The following SSRP1 variants were observed in gnomAD, a reference collection of about 807,000 sequenced individuals.
The protein encoded by SSRP1 is FACT complex subunit SSRP1.
SSRP1 carries 21 observed loss-of-function variants against 84.4 expected under a neutral mutation model. The observed-to-expected ratio is 0.25, with a 90% CI of 0.18 to 0.36. The LOEUF is 0.36. Among genes scored for constraint, SSRP1 ranks in the 10% least tolerant of loss-of-function variants. The pLI, the probability that SSRP1 is intolerant of heterozygous loss-of-function variation, is 1.00. For synonymous variants in SSRP1, 319 were observed against 318.3 expected (o/e 1.00, Z -0.02); for missense variants, 519 against 900.8 (o/e 0.58, Z 5.43).
intron 12 of SSRP1, chr11:57,329,867 G>A (rs1012016528): frequency 6.2e-5 from 38 of 610,522 alleles, no homozygotes; most frequent in Non-Finnish European, 8.6e-5. Context: ...CATTCAGGGC[G>A]GTATGGCCAT....
At chr11:57,333,290 T>C in intron 4 of SSRP1, 141 bp from the exon 5 acceptor site, 1 of 1,129,448 alleles carries the variant, frequency 8.9e-7, no homozygotes, top group East Asian at 2.4e-5. Flanking sequence ...GGCAGTATAC[T>C]GTAGGTACTC....
Position 57,335,813 on chromosome 11 carries a change from T to C in SSRP1, c.-203A>G, listed in dbSNP as rs1024181156. 6.6e-6 allele frequency: 1 copy of C among 151,286 alleles called. No individual in the cohort carries two copies. The highest frequency in any genetic ancestry group is 1.5e-5 in the Non-Finnish European group (1 of 67,854). 9.4% of individuals were successfully genotyped at this position (151,286 alleles called of 1,614,324 possible). On this transcript the variant is annotated 5_prime_UTR_variant, in exon 1 of 17. Transcript: ENST00000278412. The surrounding 1 kb of genome is among the most constrained non-coding windows in gnomAD (Gnocchi z 4.6). Reference sequence around the variant, plus strand: ...CGCGGGGGGGGCGCGGGGAGGGGGATGGGGGGACACCGGGGAAGCTTTTCC... The same window carrying C: ...CGCGGGGGGGGCGCGGGGAGGGGGACGGGGGGACACCGGGGAAGCTTTTCC...
At chr11:57,334,682 A>G in intron 2 of SSRP1, 34 bp from the exon 3 acceptor site, 1 of 1,609,592 alleles carries the variant, frequency 6.2e-7, no homozygotes, top group Non-Finnish European at 8.5e-7. Flanking sequence ...GCATGGAGAC[A>G]GTACACAGCA....
rs768194455 is a variant in SSRP1, at chr11:57,326,422, T to C, written c.2115A>G (p.Ser705=). 1.9e-6 allele frequency: 3 copies of C among 1,614,182 alleles called. No individual in the cohort carries two copies. The highest frequency in any genetic ancestry group is 1.7e-5 in the Admixed American group (1 of 60,028). The change falls in exon 17 of 17, where the codon TCA becomes TCG. Residue 705 remains serine (S), a synonymous_variant. Transcript: ENST00000278412. ...STPPSSEDSA[S]GSDE is the part of the protein sequence containing the mutation. ...TCCTCCGTTTCTACTCATCGGATCC[T>C]GACGCTGAGTCCTCTGAGCTGGGGG...
chr11:57,330,545 G>C lies in SSRP1; in HGVS notation c.1297-116C>G. 6.7e-7 allele frequency: 1 copy of C among 1,499,188 alleles called. No individual in the cohort carries two copies. The highest frequency in any genetic ancestry group is 8.9e-7 in the Non-Finnish European group (1 of 1,124,404). The allele number at this position is 1,499,188 out of a possible 1,614,324, so 92.9% of individuals were successfully genotyped here. A position where few individuals can be genotyped will look rare whatever the true frequency, so the allele number is the denominator to read the frequency against. On this transcript the variant is annotated intron_variant, in intron 10 of 16. Coordinates refer to ENST00000278412, the MANE Select transcript of SSRP1 (RefSeq NM_003146.3). This position sits in a 1 kb window ranked among gnomAD's most constrained non-coding sequence, Gnocchi z 4.0. ...AGAGCAGCAGCTCCCAGAAGACCTGGGGCTGGATTGTCCACACACAGCCAA... is the reference window on the plus strand; with the variant it reads ...AGAGCAGCAGCTCCCAGAAGACCTGCGGCTGGATTGTCCACACACAGCCAA...
chr11:57,327,865 G>A lies in SSRP1; in HGVS notation c.1629C>T (p.Asp543=), dbSNP rs1230792340. 4 of 1,613,804 alleles carry A rather than the reference G, an allele frequency of 2.5e-6. No individual in the cohort carries two copies. In the South Asian group the frequency reaches 4.4e-5, roughly 18 times the overall value. The change falls in exon 14 of 17, where the codon GAC becomes GAT. Residue 543 remains aspartate (D), a synonymous_variant. Transcript: ENST00000278412. ...KKPVEVKKGK[D]PNAPKRPMSA... ...ACATGGGCCTCTTGGGGGCATTGGGGTCTTTGCCCTTCTTCACCTACATAA... is the reference window on the plus strand; with the variant it reads ...ACATGGGCCTCTTGGGGGCATTGGGATCTTTGCCCTTCTTCACCTACATAA...
rs1159697205 is a variant in SSRP1, at chr11:57,330,461, C to T, written c.1297-32G>A. The T allele has an allele frequency of 1.2e-6, 2 of 1,611,154 alleles. No individual in the cohort carries two copies. The highest frequency in any genetic ancestry group is 1.3e-5 in the African/African-American group (1 of 74,926). ...AGGGAAGAGTTCACGGTGGGGCCAA[C>T]TCACCCTCGAGCCAGAATCCCTGCA... On this transcript the variant is annotated intron_variant, in intron 10 of 16. Coordinates refer to ENST00000278412, the MANE Select transcript of SSRP1 (RefSeq NM_003146.3). The surrounding 1 kb of genome is among the most constrained non-coding windows in gnomAD (Gnocchi z 4.0).
At chr11:57,327,045 G>T in intron 15 of SSRP1, 156 bp from the exon 16 acceptor site, 1 of 1,363,892 alleles carries the variant, frequency 7.3e-7, no homozygotes. Flanking sequence ...GGCACCAAGG[G>T]AGAGTATCAT....
chr11:57,328,165 T>C, intron 13 of SSRP1, 132 bp downstream of exon 13: 1 of 1,389,450 alleles, frequency 7.2e-7, no homozygotes, highest in Non-Finnish European at 9.8e-7. Context: ...AAGGCTATAA[T>C]CACTGGCTAT....
chr11:57,330,755 A>T lies in SSRP1; in HGVS notation c.1296+100T>A. 6.3e-7 allele frequency: 1 copy of T among 1,590,412 alleles called. No homozygotes were observed. On this transcript the variant is annotated intron_variant, in intron 10 of 16. Transcript: ENST00000278412. This position sits in a 1 kb window ranked among gnomAD's most constrained non-coding sequence, Gnocchi z 4.0. ...CACCTCTTTTTTCTATAAGGGTAAGAAGAGAAGAAAGAGTGAAAAAGAAGC... is the reference window on the plus strand; with the variant it reads ...CACCTCTTTTTTCTATAAGGGTAAGTAGAGAAGAAAGAGTGAAAAAGAAGC...
intron 3 of SSRP1, 68 bp downstream of exon 3, chr11:57,334,395 C>T: frequency 1.9e-6 from 3 of 1,562,072 alleles, no homozygotes; most frequent in South Asian, 2.4e-5. Flanking sequence ...GAAGGAACCT[C>T]GAGTCTCTAG....
In SSRP1 at chr11:57,329,838, G is replaced by A. The variant is rs78962152; in HGVS notation, c.1481+255C>T. On this transcript the variant is annotated intron_variant, in intron 12 of 16. Transcript: ENST00000278412. ...TCCCATTCTCTCCTCATCCAACTACGAACCAGCCCCAACTGGCACATTCAG... is the reference window on the plus strand; with the variant it reads ...TCCCATTCTCTCCTCATCCAACTACAAACCAGCCCCAACTGGCACATTCAG... The A allele has an allele frequency of 6.2e-3, 3,515 of 570,838 alleles. 108 individuals are homozygous for A. The highest frequency in any genetic ancestry group is 0.059 in the African/African-American group (3,157 of 53,380). The allele number at this position is 570,838 out of a possible 1,614,324, so 35.4% of individuals were successfully genotyped here.
Position 57,332,085 on chromosome 11 carries a change from G to A in SSRP1, c.1001+67C>T. 1.2e-6 allele frequency: 2 copies of A among 1,607,466 alleles called. No homozygotes were observed. The highest frequency in any genetic ancestry group is 1.7e-6 in the Non-Finnish European group (2 of 1,177,820). ...GAGGCCGCATTCCCATCTCAGGAAG[G>A]GTTTACCAAGGAGACACGGCATTTC... On this transcript the variant is annotated intron_variant, in intron 8 of 16. Transcript: ENST00000278412. The surrounding 1 kb of genome is among the most constrained non-coding windows in gnomAD (Gnocchi z 5.5).
rs1045729699 is a variant in SSRP1 at position 57,335,263 on chromosome 11, T to A, written c.-119-23A>T. ...AATCTGAATTCAAGAGGAAGACAGA[T>A]AAGCATGAAAGACAGCACCTCGCTG... On this transcript the variant is annotated intron_variant, in intron 1 of 16. Coordinates refer to ENST00000278412, the MANE Select transcript of SSRP1 (RefSeq NM_003146.3). This position sits in a 1 kb window ranked among gnomAD's most constrained non-coding sequence, Gnocchi z 4.6. 4.7e-6 allele frequency: 4 copies of A among 844,310 alleles called. No individual in the cohort carries two copies. The highest frequency in any genetic ancestry group is 1.8e-5 in the Admixed American group (1 of 55,402). The allele number at this position is 844,310 out of a possible 1,614,324, so 52.3% of individuals were successfully genotyped here.
At position 57,328,751 on chromosome 11, in the gene SSRP1, C is replaced by T. The variant is rs760778845; in HGVS notation, c.1482-325G>A. 1.7e-5 allele frequency: 4 copies of T among 242,326 alleles called. 1 individual carries two copies. In the East Asian group the frequency reaches 3.2e-4, roughly 19 times the overall value. 15.0% of individuals were successfully genotyped at this position (242,326 alleles called of 1,614,324 possible). A position where few individuals can be genotyped will look rare whatever the true frequency, so the allele number is the denominator to read the frequency against. Reference sequence around the variant, plus strand: ...ATCCCCAGGACACCACTGGCAGAAACACTGCCTCATTCATGCCTGGAACAT... The same window carrying T: ...ATCCCCAGGACACCACTGGCAGAAATACTGCCTCATTCATGCCTGGAACAT... On this transcript the variant is annotated intron_variant, in intron 12 of 16. Transcript: ENST00000278412.
In SSRP1 at chr11:57,332,635, A is replaced by G; in HGVS notation, c.758T>C (p.Met253Thr). 1 of 1,612,454 alleles carries G rather than the reference A, an allele frequency of 6.2e-7. No individual in the cohort carries two copies. The highest frequency in any genetic ancestry group is 8.5e-7 in the Non-Finnish European group (1 of 1,178,758). Residue 253 changes from methionine (M) to threonine (T), a missense_variant, in exon 6 of 17, where the codon ATG (methionine) becomes ACG (threonine). Around this residue, in one of 7 missense-constraint regions of SSRP1, gnomAD observed 159 missense variants for 359.0 expected, o/e 0.44. Transcript: ENST00000278412. The surrounding 1 kb of genome is among the most constrained non-coding windows in gnomAD (Gnocchi z 5.5). The stretch of plus-strand genomic sequence containing the variant: ...GGGGTTTCTGCTTACCACAAAGAAC[A>G]TCTGGCGCTGGTCCTTGTGGGGTAA... ...FLLPHKDQRQMFFVISLDPPI... is the reference protein window; with the variant it reads ...FLLPHKDQRQTFFVISLDPPI...
chr11:57,332,928 C>T lies in SSRP1; in HGVS notation c.537+31G>A. Reference sequence around the variant, plus strand: ...CCAGCCAATGCCTGCTCAGCACCATCTGCTGCCAAGGCAACCAGGGGAAGC... The same window carrying T: ...CCAGCCAATGCCTGCTCAGCACCATTTGCTGCCAAGGCAACCAGGGGAAGC... On this transcript the variant is annotated intron_variant, in intron 5 of 16. Transcript: ENST00000278412. The surrounding 1 kb of genome is among the most constrained non-coding windows in gnomAD (Gnocchi z 5.5). 6.3e-7 allele frequency: 1 copy of T among 1,599,002 alleles called. No homozygotes were observed. The highest frequency in any genetic ancestry group is 1.1e-5 in the South Asian group (1 of 88,904).
At chr11:57,329,612 G>C (rs1590606601) in intron 12 of SSRP1, 3 of 172,988 alleles carry the variant, frequency 1.7e-5, no homozygotes, top group Admixed American at 1.6e-4. Context: ...TAAATCCCCA[G>C]ACTCCGCAGT....
Position 57,332,539 on chromosome 11 carries a change from C to A in SSRP1, c.769-53G>T, listed in dbSNP as rs897200976. On this transcript the variant is annotated intron_variant, in intron 6 of 16. Transcript: ENST00000278412. The surrounding 1 kb of genome is among the most constrained non-coding windows in gnomAD (Gnocchi z 5.5). Reference sequence around the variant, plus strand: ...TCTACAACAACTTGCAATTAACCAACGTAGAATTCTGCACACCAGTGAGAT... The same window carrying A: ...TCTACAACAACTTGCAATTAACCAAAGTAGAATTCTGCACACCAGTGAGAT... 7 of 1,607,172 alleles carry A rather than the reference C, an allele frequency of 4.4e-6. No individual in the cohort carries two copies. In the African/African-American group the frequency reaches 9.4e-5, roughly 21 times the overall value.
Sources: allele counts gnomAD v4.1 joint callset, GRCh38; gene constraint gnomAD v4.1.1; regional missense constraint gnomAD v4.1.1; non-coding constraint Gnocchi (gnomAD v3.1); transcripts MANE v1.5; gene names NCBI Gene and HGNC (gene_info 2026-07-23, HGNC 2026-07-21).